ATP10B: variants seen among roughly 807,000 people sequenced by gnomAD.
ATP10B encodes phospholipid-transporting ATPase VB.
ATP10B carries 122 observed loss-of-function variants against 141.2 expected under a neutral mutation model. The ratio of observed to expected loss-of-function variants is 0.86; its 90% CI spans 0.75 to 1.00. The LOEUF is 1.00. ATP10B is among the 50% of genes least tolerant of loss of function. The pLI is 0.00. For missense variants in ATP10B, 1,876 were observed against 1,825.3 expected, an observed-to-expected ratio of 1.03 and a Z score of -0.51; for synonymous variants, 685 against 692.0, an observed-to-expected ratio of 0.99 and a Z score of 0.16.
intron 13 of ATP10B, 71 bp from the exon 14 acceptor site, chr5:160,622,656 C>T: frequency 2.9e-6 from 4 of 1,390,838 alleles, no homozygotes; most frequent in Non-Finnish European, 3.9e-6. Context: ...CTTCACATGC[C>T]TGGGGAAAGG....
At chr5:160,871,243 T>C in the ATP10B span, among the ~76,000 whole-genome samples, 2 of 152,064 alleles carry the variant, frequency 1.3e-5, no homozygotes, top group Non-Finnish European at 2.9e-5. Flanking sequence ...TATATATACA[T>C]ATGTGCTTAT....
chr5:160,590,202 A>G (rs910683956), intron 23 of ATP10B, among the ~76,000 whole-genome samples: 20 of 152,150 alleles, frequency 1.3e-4, no homozygotes, highest in African/African-American at 4.8e-4. Flanking sequence ...GAGGGTGAAC[A>G]CAGACGGTTT....
At chr5:160,807,835 G>A (rs1297638015) in intron 1 of ATP10B, among the ~76,000 whole-genome samples, 2 of 152,128 alleles carry the variant, frequency 1.3e-5, no homozygotes, top group African/African-American at 4.8e-5. Flanking sequence ...ATGCTTCTAA[G>A]TTTCTAGAAC....
At chr5:160,588,856 T>G (rs950263030) in intron 24 of ATP10B, among the ~76,000 whole-genome samples, 3 of 152,186 alleles carry the variant, frequency 2.0e-5, no homozygotes, top group African/African-American at 7.2e-5. Context: ...TTCTTAGATA[T>G]CAAAATGTGA....
intron 7 of ATP10B, among the ~76,000 whole-genome samples, chr5:160,653,470 T>G (rs1461665879): frequency 1.3e-5 from 1 of 74,318 alleles, no homozygotes; most frequent in African/African-American, 4.5e-5. Flanking sequence ...CATATGTACA[T>G]ACATACATAG....
In ATP10B at chr5:160,852,185, C is replaced by A. The variant is rs557249071; in HGVS notation, c.-820G>T. The A allele has an allele frequency of 6.6e-6, 1 of 152,260 alleles. No homozygotes were observed. The highest frequency in any genetic ancestry group is 6.5e-5 in the Admixed American group (1 of 15,286). 9.4% of individuals were successfully genotyped at this position (152,260 alleles called of 1,614,324 possible). A position where few individuals can be genotyped will look rare whatever the true frequency, so the allele number is the denominator to read the frequency against. On this transcript the variant is annotated 5_prime_UTR_variant, in exon 1 of 26. Transcript: ENST00000327245. Reference sequence around the variant, plus strand: ...CAATGAAAGAAAAAGGAAAAATAAGCTGCCTCGCTAGGCCCAAGAGTGAAA... The same window carrying A: ...CAATGAAAGAAAAAGGAAAAATAAGATGCCTCGCTAGGCCCAAGAGTGAAA...
At chr5:160,700,621 T>C (rs1401571304) in intron 3 of ATP10B, among the ~76,000 whole-genome samples, 4 of 152,222 alleles carry the variant, frequency 2.6e-5, no homozygotes, top group African/African-American at 9.6e-5. Context: ...TACTTTTTCA[T>C]AGGTGCTTTG....
intron 23 of ATP10B, among the ~76,000 whole-genome samples, chr5:160,590,768 C>T (rs1161820467): frequency 1.3e-5 from 2 of 152,198 alleles, no homozygotes; most frequent in African/African-American, 4.8e-5. Context: ...AACTGGAGAA[C>T]ATGCTCACAA....
At chr5:160,771,583 G>A (rs7732818) in intron 2 of ATP10B, among the ~76,000 whole-genome samples, 15,184 of 152,198 alleles carry the variant, frequency 0.1, 1,165 homozygotes, top group Admixed American at 0.22. Context: ...CATAGGTATA[G>A]TGAGATGCTT....
At chr5:160,630,250 G>C (rs1405873809) in intron 13 of ATP10B, among the ~76,000 whole-genome samples, 1 of 152,108 alleles carries the variant, frequency 6.6e-6, no homozygotes, top group East Asian at 1.9e-4. Context: ...CTTGCCTTTG[G>C]GACTGCCAGC....
intron 2 of ATP10B, among the ~76,000 whole-genome samples, chr5:160,742,827 T>C (rs1581448287): frequency 6.6e-6 from 1 of 152,194 alleles, no homozygotes; most frequent in Non-Finnish European, 1.5e-5. Flanking sequence ...TTTTGGCTGG[T>C]GACCTTAGAG....
intron 7 of ATP10B, among the ~76,000 whole-genome samples, chr5:160,657,942 A>G (rs1396387099): frequency 6.6e-6 from 1 of 152,222 alleles, no homozygotes; most frequent in Non-Finnish European, 1.5e-5. Flanking sequence ...TTAAGGGAGT[A>G]TTACACAGAC....
intron 1 of ATP10B, among the ~76,000 whole-genome samples, chr5:160,835,271 G>A (rs1472301910): frequency 6.6e-6 from 1 of 152,164 alleles, no homozygotes; most frequent in African/African-American, 2.4e-5. Context: ...TCCAAACACT[G>A]GCTCAGAAAT....
the ATP10B span, among the ~76,000 whole-genome samples, chr5:160,879,359 G>A: frequency 9.2e-6 from 1 of 108,890 alleles, no homozygotes; most frequent in South Asian, 3.6e-4. Context: ...ACACAGGAAG[G>A]GGAATATCAC....
chr5:160,658,100 G>A (rs1485096521), intron 7 of ATP10B, among the ~76,000 whole-genome samples: 1 of 152,230 alleles, frequency 6.6e-6, no homozygotes, highest in African/African-American at 2.4e-5. Context: ...ATATTAAGTT[G>A]TTCATGAGAG....
the ATP10B span, among the ~76,000 whole-genome samples, chr5:160,885,098 C>A: frequency 6.6e-6 from 1 of 152,194 alleles, no homozygotes; most frequent in Non-Finnish European, 1.5e-5. Context: ...CACAAGCCAC[C>A]TCTGATCCTT....
intron 13 of ATP10B, 66 bp from the exon 14 acceptor site, chr5:160,622,651 C>T: frequency 7.0e-7 from 1 of 1,420,098 alleles, no homozygotes; most frequent in African/African-American, 1.4e-5. Flanking sequence ...AGAATCTTCA[C>T]ATGCCTGGGG....
At chr5:160,577,371 G>A (rs1320844850) in intron 24 of ATP10B, among the ~76,000 whole-genome samples, 1 of 151,978 alleles carries the variant, frequency 6.6e-6, no homozygotes, top group Non-Finnish European at 1.5e-5. Context: ...GGGACAAAAG[G>A]CTTTTACCTC....
At chr5:160,637,041 A>AATCC (rs201357056) in intron 10 of ATP10B, among the ~76,000 whole-genome samples, 693 of 56,002 alleles carry the variant, frequency 0.012, 16 homozygotes, top group East Asian at 0.049. Flanking sequence ...TCCATCCATG[A>AATCC]ATCCATCCAT....
Sources: allele counts gnomAD v4.1 joint callset (sites outside exome capture counted in the v4.1 genomes callset), GRCh38; gene constraint gnomAD v4.1.1; transcripts MANE v1.5; gene names NCBI Gene and HGNC (gene_info 2026-07-23, HGNC 2026-07-21).